CSMD1: variants seen among roughly 807,000 people sequenced by gnomAD.
CSMD1 encodes the protein CUB and sushi domain-containing protein 1.
CSMD1 carries 213 observed loss-of-function variants against 417.5 expected under a neutral mutation model. The ratio of observed to expected loss-of-function variants is 0.51; its 90% CI spans 0.46 to 0.57. The LOEUF (loss-of-function observed/expected upper bound fraction) is 0.57, where lower values mean the gene tolerates loss of function less well. Ranked by LOEUF, CSMD1 falls within the 20% of genes least tolerant of loss-of-function variation. The pLI, the probability that CSMD1 is intolerant of heterozygous loss-of-function variation, is 0.00. For missense variants in CSMD1, 6,923 were observed against 4,529.7 expected (o/e 1.53, Z -15.17); for synonymous variants, 2,862 against 1,736.8 (o/e 1.65, Z -16.11).
At chr8:4,858,293 C>T (rs1340823079) in intron 1 of CSMD1, among the ~76,000 whole-genome samples, 1 of 151,618 alleles carries the variant, frequency 6.6e-6, no homozygotes, top group Non-Finnish European at 1.5e-5. Flanking sequence ...CTATGACAAA[C>T]CCACAGCCAA....
At chr8:4,562,485 T>C (rs2130617210) in intron 2 of CSMD1, among the ~76,000 whole-genome samples, 1 of 152,326 alleles carries the variant, frequency 6.6e-6, no homozygotes, top group East Asian at 1.9e-4. Flanking sequence ...TTAGAAATCT[T>C]ATCAGTCGTA....
intron 22 of CSMD1, among the ~76,000 whole-genome samples, chr8:3,344,407 C>T (rs187311772): frequency 6.6e-6 from 1 of 152,100 alleles, no homozygotes; most frequent in Admixed American, 6.5e-5. Flanking sequence ...ACATGTATAC[C>T]TGGGTAACAA....
intron 7 of CSMD1, among the ~76,000 whole-genome samples, chr8:3,691,595 T>C (rs1034398446): frequency 6.6e-6 from 1 of 152,176 alleles, no homozygotes; most frequent in Non-Finnish European, 1.5e-5. Context: ...AACCTTTGGC[T>C]TCTATCCTAT....
intron 5 of CSMD1, among the ~76,000 whole-genome samples, chr8:3,852,163 C>G (rs1005851223): frequency 6.6e-6 from 1 of 152,078 alleles, no homozygotes; most frequent in Non-Finnish European, 1.5e-5. Context: ...CTTGATTCTA[C>G]AAGAATCTAG....
At chr8:4,088,783 T>A (rs572587884) in intron 3 of CSMD1, among the ~76,000 whole-genome samples, 105 of 152,128 alleles carry the variant, frequency 6.9e-4, no homozygotes, top group African/African-American at 2.5e-3. Context: ...GCTCCCACCC[T>A]CCCAGACCAA....
intron 3 of CSMD1, among the ~76,000 whole-genome samples, chr8:4,378,750 G>T (rs1363412632): frequency 2.0e-5 from 3 of 152,166 alleles, no homozygotes; most frequent in Admixed American, 6.6e-5. Context: ...AGATTATGAG[G>T]TTATGAGAGC....
chr8:3,801,339 G>A lies in CSMD1; in HGVS notation c.819-47297C>T, dbSNP rs573845365. On this transcript the variant is annotated intron_variant, in intron 5 of 69. Transcript: ENST00000635120. ...TTTCTCCAAAGAAGACATACAAATG[G>A]CCAATAAGCCCATGAAAAGATGCTA... 1.9e-4 allele frequency among the ~76,000 whole-genome samples: 29 copies of A among 152,046 alleles called. 1 individual carries two copies. The South Asian group carries it at 6.0e-3, about 32-fold the overall frequency.
intron 5 of CSMD1, among the ~76,000 whole-genome samples, chr8:3,884,128 G>A (rs534845044): frequency 1.4e-4 from 21 of 152,166 alleles, no homozygotes; most frequent in South Asian, 4.1e-4. Context: ...TGTCAGTTTC[G>A]AATTTTTATT....
At chr8:4,588,218 G>C (rs544605030) in intron 2 of CSMD1, among the ~76,000 whole-genome samples, 232 of 152,052 alleles carry the variant, frequency 1.5e-3, no homozygotes, top group African/African-American at 5.5e-3. Flanking sequence ...GAAATATATT[G>C]CTGGTGTTGA....
At chr8:4,976,195 G>C (rs1186951298) in intron 1 of CSMD1, among the ~76,000 whole-genome samples, 3 of 152,060 alleles carry the variant, frequency 2.0e-5, no homozygotes, top group Admixed American at 6.6e-5. Flanking sequence ...CCATCTATTG[G>C]ACCCTAACTC....
At chr8:4,444,809 T>C (rs1292962170) in intron 2 of CSMD1, among the ~76,000 whole-genome samples, 1 of 152,212 alleles carries the variant, frequency 6.6e-6, no homozygotes, top group East Asian at 1.9e-4. Context: ...AATCAGATGC[T>C]TGTGACCTCA....
intron 1 of CSMD1, among the ~76,000 whole-genome samples, chr8:4,714,188 C>G (rs755424764): frequency 1.3e-5 from 2 of 152,074 alleles, no homozygotes; most frequent in African/African-American, 4.8e-5. Context: ...CACACCAACA[C>G]CAAGCTCCAC....
intron 1 of CSMD1, among the ~76,000 whole-genome samples, chr8:4,891,785 T>C (rs12542055): frequency 0.81 from 122,584 of 152,040 alleles, 50,005 homozygotes; most frequent in East Asian, 0.96. Context: ...AGCAATTATT[T>C]AGCAACCCAT....
At chr8:4,070,506 C>A (rs1019143363) in intron 3 of CSMD1, among the ~76,000 whole-genome samples, 1 of 152,018 alleles carries the variant, frequency 6.6e-6, no homozygotes, top group Non-Finnish European at 1.5e-5. Context: ...TACAGGCGCC[C>A]GCCACCACGG....
chr8:4,966,026 C>A (rs758953652), intron 1 of CSMD1, among the ~76,000 whole-genome samples: 1 of 151,886 alleles, frequency 6.6e-6, no homozygotes, highest in South Asian at 2.1e-4. Context: ...TTATGATATG[C>A]AAGTATTTTT....
intron 26 of CSMD1, among the ~76,000 whole-genome samples, chr8:3,266,155 C>T (rs977625623): frequency 2.0e-5 from 3 of 150,836 alleles, no homozygotes; most frequent in African/African-American, 4.9e-5. Flanking sequence ...TGAGACCAAC[C>T]CTCCAGGACA....
chr8:3,825,746 T>C (rs78019073), intron 5 of CSMD1, among the ~76,000 whole-genome samples: 2,220 of 152,158 alleles, frequency 0.015, 42 homozygotes, highest in African/African-American at 0.037. Context: ...AAGGAGGCGA[T>C]TGGGGCCACA....
intron 3 of CSMD1, among the ~76,000 whole-genome samples, chr8:4,375,472 A>G (rs1400701950): frequency 1.3e-5 from 2 of 152,154 alleles, no homozygotes; most frequent in Non-Finnish European, 2.9e-5. Context: ...GTAGTTTTAC[A>G]GTCCATCTTA....
At chr8:4,069,541 T>TC (rs572134311) in intron 3 of CSMD1, among the ~76,000 whole-genome samples, 17 of 152,254 alleles carry the variant, frequency 1.1e-4, no homozygotes, top group African/African-American at 3.6e-4. Context: ...CTTACCACCC[T>TC]CCCTCTCCGC....
Sources: allele counts gnomAD v4.1 joint callset (sites outside exome capture counted in the v4.1 genomes callset), GRCh38; gene constraint gnomAD v4.1.1; transcripts MANE v1.5; gene names NCBI Gene and HGNC (gene_info 2026-07-23, HGNC 2026-07-21).